The following MGAT4C variants were observed in gnomAD, a reference collection of about 807,000 sequenced individuals.
The protein encoded by MGAT4C is MGAT4 family member C.
A neutral mutation model predicts 40.1 loss-of-function variants in MGAT4C; 19 were observed. The observed-to-expected ratio is 0.47, with a 90% CI of 0.33 to 0.70. The LOEUF (loss-of-function observed/expected upper bound fraction) is 0.70, where lower values mean the gene tolerates loss of function less well. Among genes scored for constraint, MGAT4C ranks in the 30% least tolerant of loss-of-function variants. The pLI is 0.02. For missense variants in MGAT4C, 491 were observed against 563.2 expected (o/e 0.87, Z 1.30); for synonymous variants, 181 against 187.1 (o/e 0.97, Z 0.27).
intron 2 of MGAT4C, among the ~76,000 whole-genome samples, chr12:86,477,119 G>GA (rs1957848389): frequency 6.6e-6 from 1 of 151,324 alleles, no homozygotes; most frequent in South Asian, 2.1e-4. Flanking sequence ...TATTATAAGT[G>GA]AAAATATACT....
chr12:86,297,151 T>C (rs1953702420), intron 4 of MGAT4C, among the ~76,000 whole-genome samples: 1 of 152,242 alleles, frequency 6.6e-6, no homozygotes, highest in South Asian at 2.1e-4. Flanking sequence ...CATGGAAGTT[T>C]AAGTAATACT....
chr12:86,361,331 T>C (rs1216484098), intron 3 of MGAT4C, among the ~76,000 whole-genome samples: 1 of 152,102 alleles, frequency 6.6e-6, no homozygotes, highest in Non-Finnish European at 1.5e-5. Flanking sequence ...ATACAAAAAT[T>C]AATTCAAGAT....
rs139108762 is a variant in MGAT4C at position 86,214,122 on chromosome 12, A to G, written c.-57+42117T>C. ...GATATTAGCTGGGACTACACTTCCA[A>G]TTACACTCTGCAATCCAAATGCTGT... On this transcript the variant is annotated intron_variant, in intron 1 of 4. Coordinates refer to ENST00000611864, the MANE Select transcript of MGAT4C (RefSeq NM_001351288.2). Among the ~76,000 whole-genome samples, 121 of 152,268 alleles carry G rather than the reference A, an allele frequency of 7.9e-4. 3 individuals carry two copies. The East Asian group carries it at 0.022, about 27-fold the overall frequency.
At chr12:86,237,939 C>G (rs1401107463) in intron 1 of MGAT4C, among the ~76,000 whole-genome samples, 1 of 151,838 alleles carries the variant, frequency 6.6e-6, no homozygotes, top group Non-Finnish European at 1.5e-5. Context: ...ATAAAATATC[C>G]ACACTGGGGT....
chr12:86,066,577 C>T (rs1311222331), intron 1 of MGAT4C, among the ~76,000 whole-genome samples: 1 of 152,080 alleles, frequency 6.6e-6, no homozygotes, highest in Non-Finnish European at 1.5e-5. Context: ...GGATTAAATA[C>T]GTATATGTAT....
chr12:86,022,545 C>T (rs546231694), intron 2 of MGAT4C: 1 of 152,200 alleles, frequency 6.6e-6, no homozygotes, highest in East Asian at 1.9e-4. Context: ...GAACTTGTCT[C>T]TATGAAAAAT....
At chr12:86,610,336 G>A (rs17653326) in intron 2 of MGAT4C, among the ~76,000 whole-genome samples, 4,087 of 152,238 alleles carry the variant, frequency 0.027, 94 homozygotes, top group South Asian at 0.062. Flanking sequence ...CTGGCTTGAA[G>A]AAGATGGAGA....
intron 1 of MGAT4C, among the ~76,000 whole-genome samples, chr12:86,176,365 T>C (rs538663644): frequency 2.0e-5 from 3 of 152,282 alleles, no homozygotes; most frequent in African/African-American, 7.2e-5. Context: ...ACAAACATAG[T>C]CTTGTACACC....
chr12:86,792,957 A>G (rs961240461), intron 1 of MGAT4C, among the ~76,000 whole-genome samples: 2 of 152,104 alleles, frequency 1.3e-5, no homozygotes, highest in African/African-American at 4.8e-5. Flanking sequence ...AGTTGAAATA[A>G]CATCCTTTTG....
chr12:85,973,199 T>C lies in MGAT4C; in HGVS notation c.*6090A>G, dbSNP rs2136662265. The C allele has an allele frequency of 6.6e-6, 1 of 151,000 alleles. No homozygotes were observed. The allele number at this position is 151,000 out of a possible 1,614,324, so 9.4% of individuals were successfully genotyped here. ...GGGAAAGGGTGGAAGAGACAAATCC[T>C]ACGTCTCTTCCAGAACTTCGAGTGC... On this transcript the variant is annotated 3_prime_UTR_variant, in exon 5 of 5. Coordinates refer to ENST00000611864, the MANE Select transcript of MGAT4C (RefSeq NM_001351288.2).
In MGAT4C at chr12:86,772,926, A is replaced by C. The variant is rs146866201; in HGVS notation, c.-261-45685T>G. ...CCCACACGTGGATCAAATGGCATTT[A>C]AATGAGATTTGTGACTTAGAGTTGA... On this transcript the variant is annotated intron_variant, in intron 1 of 7. Coordinates refer to the MGAT4C transcript ENST00000548651. Among the ~76,000 whole-genome samples, 3 of 152,260 alleles carry C rather than the reference A, an allele frequency of 2.0e-5. No homozygotes were observed. The East Asian group carries it at 5.8e-4, about 29-fold the overall frequency.
intron 2 of MGAT4C, among the ~76,000 whole-genome samples, chr12:86,483,170 T>C (rs1051026209): frequency 1.3e-5 from 2 of 152,144 alleles, no homozygotes; most frequent in Admixed American, 1.3e-4. Flanking sequence ...TGGGTTTCTT[T>C]TATGAAAACA....
intron 2 of MGAT4C, chr12:86,016,334 C>T (rs1889085495): frequency 6.6e-6 from 1 of 152,178 alleles, no homozygotes; most frequent in African/African-American, 2.4e-5. Flanking sequence ...TATATGGAAC[C>T]AGAGGAAGAT....
At chr12:86,233,091 A>AT (rs1375883761) in intron 1 of MGAT4C, among the ~76,000 whole-genome samples, 28 of 152,150 alleles carry the variant, frequency 1.8e-4, no homozygotes, top group African/African-American at 2.7e-4. Context: ...TCTGTTTTAG[A>AT]TTTTTTTAAC....
intron 1 of MGAT4C, among the ~76,000 whole-genome samples, chr12:86,207,420 TC>T (rs1248038147): frequency 1.3e-5 from 2 of 152,058 alleles, no homozygotes; most frequent in African/African-American, 4.8e-5. Flanking sequence ...TAGGTATTTG[TC>T]CTAATGCTCT....
rs71309508 is a variant in MGAT4C at position 85,959,023 on chromosome 12, T to TATACAATACAATACAATACA, written c.*20246_*20265dup. 4.7e-3 allele frequency: 653 copies of TATACAATACAATACAATACA among 137,702 alleles called. 2 individuals are homozygous for TATACAATACAATACAATACA. Among genetic ancestry groups the TATACAATACAATACAATACA allele is most frequent in the Admixed American group, 7.5e-3 (100 of 13,300 alleles). The allele number at this position is 137,702 out of a possible 1,614,324, so 8.5% of individuals were successfully genotyped here. A position where few individuals can be genotyped will look rare whatever the true frequency, so the allele number is the denominator to read the frequency against. ...ATGTTATTAAATCTCTGGTAACCAC[T>TATACAATACAATACAATACA]ATACAATACAATACAATACAATACA... On this transcript the variant is annotated 3_prime_UTR_variant, in exon 5 of 5. Coordinates refer to ENST00000611864, the MANE Select transcript of MGAT4C (RefSeq NM_001351288.2).
At chr12:86,358,772 G>T (rs1955379014) in intron 3 of MGAT4C, among the ~76,000 whole-genome samples, 1 of 152,182 alleles carries the variant, frequency 6.6e-6, no homozygotes, top group Admixed American at 6.5e-5. Context: ...AACAAGAAGA[G>T]CTAACTATCC....
intron 2 of MGAT4C, among the ~76,000 whole-genome samples, chr12:86,665,375 A>C (rs1964077991): frequency 6.6e-6 from 1 of 151,586 alleles, no homozygotes; most frequent in Non-Finnish European, 1.5e-5. Context: ...AAGTTATACA[A>C]CTTTTTTTCT....
At chr12:86,534,403 T>A (rs891314385) in intron 2 of MGAT4C, among the ~76,000 whole-genome samples, 2 of 152,126 alleles carry the variant, frequency 1.3e-5, no homozygotes, top group African/African-American at 4.8e-5. Flanking sequence ...ATACCTTACA[T>A]GTATTGATTG....
Sources: allele counts gnomAD v4.1 joint callset (sites outside exome capture counted in the v4.1 genomes callset), GRCh38; gene constraint gnomAD v4.1.1; transcripts MANE v1.5; gene names NCBI Gene and HGNC (gene_info 2026-07-23, HGNC 2026-07-21).